CFAP418: variants seen among roughly 807,000 people sequenced by gnomAD.
CFAP418 encodes cilia and flagella associated protein 418.
Under a neutral mutation model 24.7 loss-of-function variants are expected in CFAP418, and 27 were observed. That is an observed-to-expected ratio of 1.09 (90% CI 0.81 to 1.51). The LOEUF (loss-of-function observed/expected upper bound fraction) is 1.51, where lower values mean the gene tolerates loss of function less well. CFAP418 is among the 40% of genes most tolerant of loss of function. The pLI, the probability that CFAP418 is intolerant of heterozygous loss-of-function variation, is 0.00. For synonymous variants in CFAP418, 74 were observed against 87.3 expected, an observed-to-expected ratio of 0.85 and a Z score of 0.85; for missense variants, 257 against 255.2, an observed-to-expected ratio of 1.01 and a Z score of -0.05.
intron 5 of CFAP418, among the ~76,000 whole-genome samples, chr8:95,250,832 G>A (rs1043880088): frequency 6.6e-6 from 1 of 152,072 alleles, no homozygotes; most frequent in East Asian, 1.9e-4. Context: ...GGCATTCAAA[G>A]CTTTCATAAG....
chr8:95,251,072 C>A (rs983569826), intron 5 of CFAP418, among the ~76,000 whole-genome samples: 2 of 151,990 alleles, frequency 1.3e-5, no homozygotes, highest in Admixed American at 1.3e-4. Context: ...ACTTGTAACA[C>A]CTTAAAGATA....
rs1348235415 is a variant in CFAP418, at chr8:95,246,546, A to C, written c.*1071T>G. 6.6e-6 allele frequency: 1 copy of C among 152,196 alleles called. No homozygotes were observed. The highest frequency in any genetic ancestry group is 1.9e-4 in the East Asian group (1 of 5,206). The allele number at this position is 152,196 out of a possible 1,614,324, so 9.4% of individuals were successfully genotyped here. On this transcript the variant is annotated 3_prime_UTR_variant, in exon 6 of 6. Coordinates refer to ENST00000286688, the MANE Select transcript of CFAP418 (RefSeq NM_177965.4). ...ATCACACATTTGAACTATATAGTAC[A>C]TATGTAGCAGGGAGTTTGTGGCAGA...
intron 5 of CFAP418, among the ~76,000 whole-genome samples, chr8:95,248,014 T>A (rs186054571): frequency 1.1e-4 from 17 of 151,668 alleles, no homozygotes; most frequent in East Asian, 1.9e-4. Flanking sequence ...GCTTAAAAAA[T>A]TTTTTTTTGT....
chr8:95,262,367 G>A (rs1383434358), intron 2 of CFAP418, among the ~76,000 whole-genome samples: 1 of 152,086 alleles, frequency 6.6e-6, no homozygotes, highest in Non-Finnish European at 1.5e-5. Flanking sequence ...TTGATTTTTA[G>A]TCTGGGTGAC....
chr8:95,259,823 C>T lies in CFAP418; in HGVS notation c.374+17G>A. ...AAAAACCTAGTAAGAAAGTATAATA[C>T]ATTTCTGACAACCTACCTCCATGAA... On this transcript the variant is annotated intron_variant, in intron 4 of 5. Coordinates refer to ENST00000286688, the MANE Select transcript of CFAP418 (RefSeq NM_177965.4). The T allele has an allele frequency of 6.3e-7, 1 of 1,589,162 alleles. No individual in the cohort carries two copies. The highest frequency in any genetic ancestry group is 1.7e-4 in the Middle Eastern group (1 of 6,020).
intron 3 of CFAP418, among the ~76,000 whole-genome samples, chr8:95,260,210 G>A (rs899514647): frequency 2.6e-5 from 4 of 152,172 alleles, no homozygotes; most frequent in Non-Finnish European, 5.9e-5. Context: ...CATTAATTTT[G>A]AGAAACTGTT....
Position 95,245,444 on chromosome 8 carries a change from A to G in CFAP418, c.*2173T>C, listed in dbSNP as rs1811601568. ...AGTTATAATGAAATAATAAAAGGGAAAAAAAAACCAGGACAACTTTGTCCC... is the reference window on the plus strand; with the variant it reads ...AGTTATAATGAAATAATAAAAGGGAGAAAAAAACCAGGACAACTTTGTCCC... On this transcript the variant is annotated 3_prime_UTR_variant, in exon 6 of 6. Coordinates refer to ENST00000286688, the MANE Select transcript of CFAP418 (RefSeq NM_177965.4). 1 of 152,116 alleles carries G rather than the reference A, an allele frequency of 6.6e-6. No individual in the cohort carries two copies. Among genetic ancestry groups the G allele is most frequent in the South Asian group, 2.1e-4 (1 of 4,824 alleles). The allele number at this position is 152,116 out of a possible 1,614,324, so 9.4% of individuals were successfully genotyped here.
At chr8:95,268,765 C>T (rs925889048) in intron 1 of CFAP418, 1 of 82,920 alleles carries the variant, frequency 1.2e-5, no homozygotes. Flanking sequence ...CGGGGCGGGG[C>T]GGGGCGGGGC....
At chr8:95,262,494 G>A (rs1390328685) in intron 2 of CFAP418, among the ~76,000 whole-genome samples, 1 of 152,018 alleles carries the variant, frequency 6.6e-6, no homozygotes, top group Non-Finnish European at 1.5e-5. Flanking sequence ...TGGTACTATA[G>A]TTATTTCTTA....
intron 5 of CFAP418, among the ~76,000 whole-genome samples, chr8:95,249,072 C>A (rs183331714): frequency 2.6e-4 from 39 of 152,250 alleles, no homozygotes; most frequent in African/African-American, 8.2e-4. Context: ...AAGAAAAAAA[C>A]CCCGCCAAAA....
At chr8:95,268,885 C>A (rs1024020863) in intron 1 of CFAP418, 150 bp downstream of exon 1, 6 of 804,502 alleles carry the variant, frequency 7.5e-6, no homozygotes, top group Admixed American at 2.4e-5. Flanking sequence ...TGCGCTGCCG[C>A]GGAGGGTAGG....
At chr8:95,254,749 C>T (rs764461578) in intron 4 of CFAP418, among the ~76,000 whole-genome samples, 4 of 152,188 alleles carry the variant, frequency 2.6e-5, no homozygotes, top group Non-Finnish European at 5.9e-5. Context: ...AAGATAACAG[C>T]AGTTCCAACA....
At chr8:95,253,986 A>G (rs1811749111) in intron 4 of CFAP418, among the ~76,000 whole-genome samples, 2 of 152,332 alleles carry the variant, frequency 1.3e-5, no homozygotes, top group South Asian at 4.1e-4. Context: ...CAGCTTTTTA[A>G]TTTAATTTAA....
chr8:95,268,948 T>A, intron 1 of CFAP418, 87 bp downstream of exon 1: 1 of 1,443,058 alleles, frequency 6.9e-7, no homozygotes, highest in Non-Finnish European at 9.4e-7. Flanking sequence ...CGCGGGCACG[T>A]TTCTTTTGGG....
chr8:95,255,848 C>T (rs948108104), intron 4 of CFAP418, among the ~76,000 whole-genome samples: 1 of 152,208 alleles, frequency 6.6e-6, no homozygotes, highest in Non-Finnish European at 1.5e-5. Context: ...AAGTACTTCA[C>T]ACATAAAATT....
At chr8:95,250,088 G>A (rs1811684568) in intron 5 of CFAP418, among the ~76,000 whole-genome samples, 1 of 152,150 alleles carries the variant, frequency 6.6e-6, no homozygotes, top group Admixed American at 6.5e-5. Flanking sequence ...TATGAGCCCA[G>A]TATCTAAGAG....
chr8:95,257,740 A>T (rs576082672), intron 4 of CFAP418, among the ~76,000 whole-genome samples: 1 of 152,350 alleles, frequency 6.6e-6, no homozygotes, highest in South Asian at 2.1e-4. Flanking sequence ...AAAGTAGTGC[A>T]TACAGTTATG....
At position 95,261,790 on chromosome 8, in the gene CFAP418, G is replaced by A. The variant is rs186244474; in HGVS notation, c.244-1258C>T. Reference sequence around the variant, plus strand: ...TATATCTTAAAGCCAAACCAGAGAAGTACTTATCTTCTTCTGAAACACCTT... The same window carrying A: ...TATATCTTAAAGCCAAACCAGAGAAATACTTATCTTCTTCTGAAACACCTT... On this transcript the variant is annotated intron_variant, in intron 2 of 5. Transcript: ENST00000286688. Among the ~76,000 whole-genome samples the A allele has an allele frequency of 5.3e-5, 8 of 152,290 alleles. No individual in the cohort carries two copies. The East Asian group carries it at 7.7e-4, about 15-fold the overall frequency.
At chr8:95,250,340 T>A (rs1811687950) in intron 5 of CFAP418, among the ~76,000 whole-genome samples, 1 of 152,222 alleles carries the variant, frequency 6.6e-6, no homozygotes, top group South Asian at 2.1e-4. Context: ...TGTCACTGTT[T>A]TATCTAAAAG....
Sources: gnomAD v4.1 joint callset for allele counts (sites outside exome capture counted in the v4.1 genomes callset) on GRCh38, gnomAD v4.1.1 for gene constraint, MANE v1.5 for transcripts, NCBI Gene and HGNC (gene_info 2026-07-23, HGNC 2026-07-21) for gene names.